EFNA5: variants seen among roughly 807,000 people sequenced by gnomAD.
EFNA5 encodes the protein ephrin-A5.
Under a neutral mutation model 22.9 loss-of-function variants are expected in EFNA5, and 5 were observed. That is an observed-to-expected ratio of 0.22 (90% CI 0.11 to 0.46). The LOEUF (loss-of-function observed/expected upper bound fraction) is 0.46, where lower values mean the gene tolerates loss of function less well. EFNA5 is among the 20% of genes least tolerant of loss of function. The pLI is 0.99. For synonymous variants in EFNA5, 113 were observed against 112.2 expected, an observed-to-expected ratio of 1.01 and a Z score of -0.04; for missense variants, 237 against 293.3, an observed-to-expected ratio of 0.81 and a Z score of 1.40.
intron 1 of EFNA5, among the ~76,000 whole-genome samples, chr5:107,516,882 C>T (rs970611510): frequency 6.6e-6 from 1 of 152,058 alleles, no homozygotes; most frequent in Admixed American, 6.6e-5. Context: ...TGAAAGAAGT[C>T]AGACATAAAA....
chr5:107,432,264 C>CT (rs1446779100), intron 1 of EFNA5, among the ~76,000 whole-genome samples: 1 of 152,170 alleles, frequency 6.6e-6, no homozygotes, highest in Non-Finnish European at 1.5e-5. Flanking sequence ...ATAAAGGAAT[C>CT]TTTTTTCCAT....
intron 1 of EFNA5, among the ~76,000 whole-genome samples, chr5:107,457,734 G>C (rs369123405): frequency 3.2e-4 from 49 of 152,230 alleles, no homozygotes; most frequent in African/African-American, 9.6e-4. Context: ...GAGCAGGAGA[G>C]AGAATATGGG....
chr5:107,407,068 G>A (rs536127004), intron 2 of EFNA5, among the ~76,000 whole-genome samples: 3 of 152,272 alleles, frequency 2.0e-5, no homozygotes, highest in Admixed American at 2.0e-4. Context: ...TCACATTTGT[G>A]CAAAGCAAAA....
intron 1 of EFNA5, among the ~76,000 whole-genome samples, chr5:107,551,747 G>A (rs1050481711): frequency 6.6e-6 from 1 of 151,956 alleles, no homozygotes; most frequent in African/African-American, 2.4e-5. Context: ...GATTCATTCC[G>A]TCTCTTTCCT....
chr5:107,387,421 T>C (rs1054923594), intron 3 of EFNA5, 106 bp from the exon 4 acceptor site: 7 of 733,512 alleles, frequency 9.5e-6, no homozygotes, highest in East Asian at 2.7e-5. Flanking sequence ...TTTATGTAGA[T>C]TGTCTTACAA....
rs958931114 is a variant in EFNA5 at position 107,521,431 on chromosome 5, C to A, written c.126-93922G>T. Among the ~76,000 whole-genome samples, 16 of 150,002 alleles carry A rather than the reference C, an allele frequency of 1.1e-4. No homozygotes were observed. In the East Asian group the frequency reaches 2.9e-3, roughly 28 times the overall value. The stretch of plus-strand genomic sequence containing the variant: ...TCTCAGCCTCCTTAGTAGCTGGGAC[C>A]ACAGGCATGTGCCACCACACCTGGC... On this transcript the variant is annotated intron_variant, in intron 1 of 4. Transcript: ENST00000333274.
chr5:107,594,006 A>G (rs1749426376), intron 1 of EFNA5, among the ~76,000 whole-genome samples: 1 of 152,224 alleles, frequency 6.6e-6, no homozygotes, highest in South Asian at 2.1e-4. Context: ...TAAAAAGGTG[A>G]GACAAGTCAA....
At chr5:107,387,836 T>TG in intron 2 of EFNA5, 65 bp from the exon 3 acceptor site, 1 of 1,110,032 alleles carries the variant, frequency 9.0e-7, no homozygotes, top group Non-Finnish European at 1.3e-6. Context: ...ACTCTTCATT[T>TG]TCACATACAA....
chr5:107,580,678 C>G (rs1021001630), intron 1 of EFNA5, among the ~76,000 whole-genome samples: 2 of 143,720 alleles, frequency 1.4e-5, no homozygotes, highest in African/African-American at 5.2e-5. Flanking sequence ...AGCCGAGATG[C>G]GCCACTACAC....
At chr5:107,547,411 A>G (rs1304696818) in intron 1 of EFNA5, among the ~76,000 whole-genome samples, 1 of 152,162 alleles carries the variant, frequency 6.6e-6, no homozygotes, top group Non-Finnish European at 1.5e-5. Context: ...TGGGACCACA[A>G]GACAGGTGTG....
chr5:107,481,859 A>AAG (rs200904249), intron 1 of EFNA5, among the ~76,000 whole-genome samples: 12,708 of 151,238 alleles, frequency 0.084, 608 homozygotes, highest in East Asian at 0.14. Context: ...CAAAAAAAAA[A>AAG]AAAAGAAAAG....
rs562358384 is a variant in EFNA5 at position 107,377,134 on chromosome 5, C to A, written c.*4121G>T. 1 of 152,266 alleles carries A rather than the reference C, an allele frequency of 6.6e-6. No homozygotes were observed. The highest frequency in any genetic ancestry group is 2.4e-5 in the African/African-American group (1 of 41,560). 9.4% of individuals were successfully genotyped at this position (152,266 alleles called of 1,614,324 possible). A position where few individuals can be genotyped will look rare whatever the true frequency, so the allele number is the denominator to read the frequency against. ...TGGACTTCACACCCAGACGCACACA[C>A]AATGAGTGGCTTCAATGGGGTGTCA... On this transcript the variant is annotated 3_prime_UTR_variant, in exon 5 of 5. Transcript: ENST00000333274.
intron 1 of EFNA5, among the ~76,000 whole-genome samples, chr5:107,611,659 G>T (rs778733475): frequency 6.6e-6 from 1 of 152,200 alleles, no homozygotes; most frequent in Non-Finnish European, 1.5e-5. Context: ...CACAGAGCAT[G>T]AGCTTATAAT....
chr5:107,521,626 T>C (rs1035341267), intron 1 of EFNA5, among the ~76,000 whole-genome samples: 1 of 151,860 alleles, frequency 6.6e-6, no homozygotes, highest in Non-Finnish European at 1.5e-5. Flanking sequence ...ACCCTAGTGA[T>C]TGCGCGGCTT....
At chr5:107,426,376 G>C in intron 2 of EFNA5, among the ~76,000 whole-genome samples, 1 of 152,198 alleles carries the variant, frequency 6.6e-6, no homozygotes, top group East Asian at 1.9e-4. Context: ...AGTAGCAGCA[G>C]CAGCATCTGG....
intron 1 of EFNA5, among the ~76,000 whole-genome samples, chr5:107,636,709 C>T (rs1037493265): frequency 6.6e-6 from 1 of 152,124 alleles, no homozygotes; most frequent in Non-Finnish European, 1.5e-5. Flanking sequence ...GCATAAGCCA[C>T]GTATCTTGCA....
chr5:107,382,454 T>A (rs1446775264), intron 4 of EFNA5, among the ~76,000 whole-genome samples: 4 of 152,154 alleles, frequency 2.6e-5, no homozygotes, highest in African/African-American at 9.7e-5. Context: ...CTCACTATAG[T>A]CTTGACCTCC....
At chr5:107,402,569 C>T (rs1748113326) in intron 2 of EFNA5, among the ~76,000 whole-genome samples, 1 of 152,164 alleles carries the variant, frequency 6.6e-6, no homozygotes, top group South Asian at 2.1e-4. Context: ...TACAGCCATC[C>T]CTACAACGTG....
chr5:107,484,676 A>G (rs1746542653), intron 1 of EFNA5, among the ~76,000 whole-genome samples: 2 of 152,216 alleles, frequency 1.3e-5, no homozygotes, highest in African/African-American at 2.4e-5. Flanking sequence ...GTAGGACTTC[A>G]GGCAAATTAA....
Sources: gnomAD v4.1 joint callset for allele counts (sites outside exome capture counted in the v4.1 genomes callset) on GRCh38, gnomAD v4.1.1 for gene constraint, MANE v1.5 for transcripts, NCBI Gene and HGNC (gene_info 2026-07-23, HGNC 2026-07-21) for gene names.